LRP6: variants seen among roughly 807,000 people sequenced by gnomAD.
The protein encoded by LRP6 is low-density lipoprotein receptor-related protein 6.
A neutral mutation model predicts 184.1 loss-of-function variants in LRP6; 43 were observed. The ratio of observed to expected loss-of-function variants is 0.23; its 90% CI spans 0.18 to 0.30. LRP6 has a LOEUF of 0.30. LRP6 is among the 10% of genes least tolerant of loss of function. LRP6 has a pLI of 1.00. For synonymous variants in LRP6, 719 were observed against 684.9 expected (o/e 1.05, Z -0.78); for missense variants, 1,571 against 2,005.3 (o/e 0.78, Z 4.14).
rs760238283 is a variant in LRP6 at position 12,121,417 on chromosome 12, G to A, written c.4551C>T (p.Tyr1517=). The A allele has an allele frequency of 1.1e-5, 18 of 1,613,574 alleles. No individual in the cohort carries two copies. Among genetic ancestry groups the A allele is most frequent in the Middle Eastern group, 1.6e-4 (1 of 6,084 alleles). The change falls in exon 23 of 23, where the codon TAC becomes TAT. Residue 1517 remains tyrosine, a synonymous_variant. Transcript: ENST00000261349. ...CAAAGTGCCGGTAGCTATATGGCCT[G>A]TAGCTGGTATAGGGAGAAAATAAAG... ...NSPSTHRSYS[Y]RPYSYRHFAP... is the part of the protein sequence containing the mutation.
chr12:12,170,776 G>T (rs1827045575), intron 7 of LRP6, among the ~76,000 whole-genome samples: 2 of 140,910 alleles, frequency 1.4e-5, no homozygotes, highest in African/African-American at 5.4e-5. Context: ...ATTCTAATAT[G>T]AAGTTAAAAT....
At chr12:12,185,847 G>C in intron 4 of LRP6, among the ~76,000 whole-genome samples, 1 of 140,904 alleles carries the variant, frequency 7.1e-6, no homozygotes, top group East Asian at 2.1e-4. Context: ...TGTGTTTTTT[G>C]TTTTTTTTTT....
intron 15 of LRP6, among the ~76,000 whole-genome samples, chr12:12,146,404 A>T (rs541492600): frequency 6.6e-6 from 1 of 152,346 alleles, no homozygotes; most frequent in East Asian, 1.9e-4. Context: ...GCTGACAGAC[A>T]CAAATAGTAT....
chr12:12,228,921 G>A (rs186325633), intron 2 of LRP6, among the ~76,000 whole-genome samples: 12 of 152,288 alleles, frequency 7.9e-5, no homozygotes, highest in Non-Finnish European at 1.6e-4. Context: ...TTGCATTCAA[G>A]GATGCAGCAC....
rs1451948552 is a variant in LRP6, at chr12:12,165,268, G to C, written c.1573C>G (p.Arg525Gly). 3.1e-6 allele frequency: 5 copies of C among 1,613,354 alleles called. No homozygotes were observed. Among genetic ancestry groups the C allele is most frequent in the Non-Finnish European group, 4.2e-6 (5 of 1,179,436 alleles). ...GGAATTTTGTCTTCCACTAGTACTC[G>C]TCTCCCAGTGCCATCAGTATTCATA... ...EVMNTDGTGR[R>G]VLVEDKIPHI... Residue 525 changes from arginine to glycine, a missense_variant, in exon 8 of 23, where the codon CGA (arginine) becomes GGA (glycine). Physicochemically the swap from Arg to Gly is moderately radical, Grantham distance 125. Around this residue, in one of 4 missense-constraint regions of LRP6, gnomAD observed 640 missense variants for 851.9 expected, o/e 0.75. Coordinates refer to ENST00000261349, the MANE Select transcript of LRP6 (RefSeq NM_002336.3).
In LRP6 at chr12:12,162,403, A is replaced by G. The variant is rs777003235; in HGVS notation, c.2069T>C (p.Phe690Ser). 2.5e-6 allele frequency: 4 copies of G among 1,614,034 alleles called. No individual in the cohort carries two copies. The highest frequency in any genetic ancestry group is 2.5e-6 in the Non-Finnish European group (3 of 1,179,888). ...ATGTTCCAGTGCACTGCCATTCATA[A>G]AGGCTCTGCTGATGGTCTGCAAAAG... ...DISLKTISRA[F>S]MNGSALEHVV... Residue 690 changes from phenylalanine to serine, a missense_variant, in exon 10 of 23, where the codon TTT becomes TCT. By Grantham distance (155) the Phe-to-Ser change is radical. Around this residue, in one of 4 missense-constraint regions of LRP6, gnomAD observed 640 missense variants for 851.9 expected, o/e 0.75. Coordinates refer to ENST00000261349, the MANE Select transcript of LRP6 (RefSeq NM_002336.3).
At chr12:12,125,063 T>G (rs1205809807) in intron 21 of LRP6, among the ~76,000 whole-genome samples, 1 of 152,228 alleles carries the variant, frequency 6.6e-6, no homozygotes, top group Admixed American at 6.5e-5. Context: ...CTACTTTTAC[T>G]TGAAATGTGA....
At chr12:12,237,135 TC>T (rs531771986) in intron 2 of LRP6, among the ~76,000 whole-genome samples, 385 of 152,222 alleles carry the variant, frequency 2.5e-3, no homozygotes, top group Non-Finnish European at 4.5e-3. Context: ...GATTAGGAGT[TC>T]CATGTCAGGC....
rs1862699714 is a variant in LRP6 at position 12,159,946 on chromosome 12, T to C, written c.2298A>G (p.Glu766=). 6.2e-7 allele frequency: 1 copy of C among 1,611,934 alleles called. No homozygotes were observed. ...TGTCTATCTTAGGTTTTCCACCCCA[T>C]TCAGTCCAATACATAAATCTAAATT... is the stretch of plus-strand genomic sequence containing the variant. ...DPAEGFMYWT[E]WGGKPKIDRA... is the part of the protein sequence containing the mutation. The change falls in exon 11 of 23, where the codon GAA becomes GAG. Residue 766 remains glutamate (E), a synonymous_variant. Transcript: ENST00000261349.
intron 1 of LRP6, among the ~76,000 whole-genome samples, chr12:12,252,738 T>A (rs560263449): frequency 1.3e-5 from 2 of 152,328 alleles, no homozygotes; most frequent in African/African-American, 2.4e-5. Flanking sequence ...CATCATTTAC[T>A]TATGGAATGC....
intron 2 of LRP6, among the ~76,000 whole-genome samples, chr12:12,213,563 G>T (rs1249703167): frequency 6.6e-6 from 1 of 151,752 alleles, no homozygotes; most frequent in South Asian, 2.1e-4. Flanking sequence ...TTGCTTTCAT[G>T]CTTAAAAAGC....
intron 7 of LRP6, among the ~76,000 whole-genome samples, chr12:12,169,910 G>A (rs1862986073): frequency 6.6e-6 from 1 of 152,030 alleles, no homozygotes; most frequent in African/African-American, 2.4e-5. Context: ...TGATCTCCTT[G>A]TTCTCATCTG....
chr12:12,155,592 G>T, intron 12 of LRP6: 3 of 764,126 alleles, frequency 3.9e-6, no homozygotes, highest in Non-Finnish European at 4.7e-6. Context: ...GAAGCTATCA[G>T]AAAATGGAAA....
At chr12:12,218,156 A>G in intron 2 of LRP6, among the ~76,000 whole-genome samples, 1 of 152,186 alleles carries the variant, frequency 6.6e-6, no homozygotes, top group East Asian at 1.9e-4. Flanking sequence ...TCCAGAATAT[A>G]TAAAGAGCTC....
intron 7 of LRP6, among the ~76,000 whole-genome samples, chr12:12,171,688 C>G (rs1026975648): frequency 6.6e-6 from 1 of 152,180 alleles, no homozygotes; most frequent in Non-Finnish European, 1.5e-5. Context: ...TCTAAACACA[C>G]AGATAATGTA....
Position 12,135,200 on chromosome 12 carries a change from T to G in LRP6, c.3708A>C (p.Leu1236=), listed in dbSNP as rs1467938357. The part of the protein sequence containing the change: ...TRCSCPMHLV[L]LQDELSCGEP... ...CTCCACATGATAGCTCATCTTGAAG[T>G]AGAACCAGGTGCATGGGGCAAGAAC... The change falls in exon 17 of 23, where the codon CTA becomes CTC. Residue 1236 remains leucine (L), a synonymous_variant. Coordinates refer to ENST00000261349, the MANE Select transcript of LRP6 (RefSeq NM_002336.3). 1 of 1,613,744 alleles carries G rather than the reference T, an allele frequency of 6.2e-7. No homozygotes were observed. Among genetic ancestry groups the G allele is most frequent in the Non-Finnish European group, 8.5e-7 (1 of 1,179,856 alleles).
rs1282797613 is a variant in LRP6, at chr12:12,250,452, T to A, written c.56-5797A>T. Among the ~76,000 whole-genome samples, 4 of 151,856 alleles carry A rather than the reference T, an allele frequency of 2.6e-5. 1 individual carries two copies. The highest frequency in any genetic ancestry group is 4.8e-5 in the African/African-American group (2 of 41,270). ...ATTGACTCAGCTTTACTTCTTTTAA[T>A]CCTTAGTCTTTAGTACTTACATGAT... On this transcript the variant is annotated intron_variant, in intron 1 of 22. Transcript: ENST00000261349.
rs1002599046 is a variant in LRP6, at chr12:12,138,824, T to C, written c.3398-290A>G. ...CAGTAGTTTGAAAAACCCTAACTTATATATACAACAGATAAAAATGGCACT... is the reference window on the plus strand; with the variant it reads ...CAGTAGTTTGAAAAACCCTAACTTACATATACAACAGATAAAAATGGCACT... On this transcript the variant is annotated intron_variant, in intron 15 of 22. Coordinates refer to ENST00000261349, the MANE Select transcript of LRP6 (RefSeq NM_002336.3). The C allele has an allele frequency of 7.1e-6, 10 of 1,413,824 alleles. No homozygotes were observed. The African/African-American group carries it at 7.2e-5, about 10-fold the overall frequency. The allele number at this position is 1,413,824 out of a possible 1,614,324, so 87.6% of individuals were successfully genotyped here.
At position 12,266,837 on chromosome 12, in the gene LRP6, TACTTCCCA is replaced by T. The variant is rs1422961338; in HGVS notation, c.-110_-103del. 7.5e-6 allele frequency: 7 copies of T among 928,062 alleles called. No homozygotes were observed. Among genetic ancestry groups the T allele is most frequent in the East Asian group, 5.2e-5 (2 of 38,530 alleles). 57.5% of individuals were successfully genotyped at this position (928,062 alleles called of 1,614,324 possible). A position where few individuals can be genotyped will look rare whatever the true frequency, so the allele number is the denominator to read the frequency against. ...CCGCAGCGGCAGGGCTGCACGCTCA[TACTTCCCA>T]GCTTCCCAGCGAGAGAAGAAAGAAA... On this transcript the variant is annotated 5_prime_UTR_variant, in exon 1 of 23. Coordinates refer to ENST00000261349, the MANE Select transcript of LRP6 (RefSeq NM_002336.3).
Sources: gnomAD v4.1 joint callset for allele counts (sites outside exome capture counted in the v4.1 genomes callset) on GRCh38, gnomAD v4.1.1 for gene constraint, gnomAD v4.1.1 regional missense constraint, MANE v1.5 for transcripts, NCBI Gene and HGNC (gene_info 2026-07-23, HGNC 2026-07-21) for gene names.